The following CLPSL2 variants were observed in gnomAD, a reference collection of about 807,000 sequenced individuals.
CLPSL2 encodes colipase-like protein 2.
CLPSL2 carries 4 observed loss-of-function variants against 7.9 expected under a neutral mutation model. The ratio of observed to expected loss-of-function variants is 0.50; its 90% confidence interval spans 0.25 to 1.15. The LOEUF (loss-of-function observed/expected upper bound fraction) is 1.15, where lower values mean the gene tolerates loss of function less well. Ranked by LOEUF, CLPSL2 falls within the 50% of genes most tolerant of loss-of-function variation. The pLI, the probability that CLPSL2 is intolerant of heterozygous loss-of-function variation, is 0.15. For synonymous variants in CLPSL2, 67 were observed against 53.1 expected (o/e 1.26, Z -1.14); for missense variants, 132 against 136.6 (o/e 0.97, Z 0.17).
chr6:35,777,781 C>G, intron 2 of CLPSL2, 200 bp downstream of exon 2: 1 of 726,452 alleles, frequency 1.4e-6, no homozygotes, highest in Non-Finnish European at 2.5e-6. Flanking sequence ...AGCTCCTGTA[C>G]CCTGGGGTCA....
chr6:35,776,642 G>T lies in CLPSL2; in HGVS notation c.24G>T (p.Val8=). The change falls in exon 1 of 3, where the codon GTG becomes GTT. Residue 8 remains valine (V), a synonymous_variant. Coordinates refer to ENST00000403376, the MANE Select transcript of CLPSL2 (RefSeq NM_207409.4). ...CCATGGCCGCAGCCCTGGCGCTCGT[G>T]GCGGGGGTCCTGTCGGGGGCGGTGC... The part of the protein sequence containing the change: MAAALAL[V]AGVLSGAVLP... 1 of 1,497,144 alleles carries T rather than the reference G, an allele frequency of 6.7e-7. No homozygotes were observed. Among genetic ancestry groups the T allele is most frequent in the South Asian group, 1.2e-5 (1 of 80,642 alleles). The allele number at this position is 1,497,144 out of a possible 1,614,324, so 92.7% of individuals were successfully genotyped here.
At position 35,776,657 on chromosome 6, in the gene CLPSL2, G is replaced by A; in HGVS notation, c.39G>A (p.Ser13=). 6.7e-7 allele frequency: 1 copy of A among 1,493,600 alleles called. No individual in the cohort carries two copies. The highest frequency in any genetic ancestry group is 8.9e-7 in the Non-Finnish European group (1 of 1,129,126). 92.5% of individuals were successfully genotyped at this position (1,493,600 alleles called of 1,614,324 possible). A position where few individuals can be genotyped will look rare whatever the true frequency, so the allele number is the denominator to read the frequency against. The change falls in exon 1 of 3, where the codon TCG becomes TCA. Residue 13 remains serine, a synonymous_variant. Transcript: ENST00000403376. The stretch of plus-strand genomic sequence containing the variant: ...TGGCGCTCGTGGCGGGGGTCCTGTC[G>A]GGGGCGGTGCTGCCCCTCTGGAGCG... ...AALALVAGVL[S]GAVLPLWSAL...
chr6:35,776,781 C>G lies in CLPSL2; in HGVS notation c.84+79C>G. On this transcript the variant is annotated intron_variant, in intron 1 of 2. Coordinates refer to ENST00000403376, the MANE Select transcript of CLPSL2 (RefSeq NM_207409.4). ...CCGCCGGGGCACTGGAGCCCGAAGGCGCCGGGCAGCCTGAAAGGGAGAGGT... is the reference window on the plus strand; with the variant it reads ...CCGCCGGGGCACTGGAGCCCGAAGGGGCCGGGCAGCCTGAAAGGGAGAGGT... 4 of 1,259,600 alleles carry G rather than the reference C, an allele frequency of 3.2e-6. No individual in the cohort carries two copies. In the East Asian group the frequency reaches 1.3e-4, roughly 40 times the overall value. 78.0% of individuals were successfully genotyped at this position (1,259,600 alleles called of 1,614,324 possible).
At chr6:35,777,929 A>G (rs1767877864) in intron 2 of CLPSL2, 1 of 716,830 alleles carries the variant, frequency 1.4e-6, no homozygotes, top group African/African-American at 1.7e-5. Context: ...ATCTGCACAT[A>G]GTAGGTGCTC....
intron 2 of CLPSL2, 93 bp from the exon 3 acceptor site, chr6:35,779,262 G>GCCTGGAGTAAGACAGA: frequency 4.9e-6 from 5 of 1,016,476 alleles, no homozygotes; most frequent in Non-Finnish European, 7.3e-6. Context: ...CTTACTCCAG[G>GCCTGGAGTAAGACAGA]CCTGGTACTC....
At chr6:35,776,840 G>T in intron 1 of CLPSL2, 138 bp downstream of exon 1, 1 of 709,818 alleles carries the variant, frequency 1.4e-6, no homozygotes, top group African/African-American at 1.9e-5. Flanking sequence ...GGTAGCCTGG[G>T]GCATCCTCAG....
chr6:35,776,880 CT>C (rs1209215205), intron 1 of CLPSL2, 178 bp downstream of exon 1: 2 of 508,830 alleles, frequency 3.9e-6, no homozygotes, highest in Non-Finnish European at 6.6e-6. Context: ...TCACTTTCCC[CT>C]GGTGGCCTCA....
In CLPSL2 at chr6:35,776,707, G is replaced by A. The variant is rs753624440; in HGVS notation, c.84+5G>A. 3 of 1,388,536 alleles carry A rather than the reference G, an allele frequency of 2.2e-6. No individual in the cohort carries two copies. The South Asian group carries it at 4.7e-5, about 22-fold the overall frequency. 86.0% of individuals were successfully genotyped at this position (1,388,536 alleles called of 1,614,324 possible). A position where few individuals can be genotyped will look rare whatever the true frequency, so the allele number is the denominator to read the frequency against. ...GCGCTTCCGCAATATAAAAAGGTGA[G>A]CCGGGGAGCGCGCCCAGCCGGCCGC... is the stretch of plus-strand genomic sequence containing the variant. On this transcript the variant is annotated splice_donor_5th_base_variant and intron_variant, in intron 1 of 2. Coordinates refer to ENST00000403376, the MANE Select transcript of CLPSL2 (RefSeq NM_207409.4).
At chr6:35,778,228 T>G (rs375975471) in intron 2 of CLPSL2, among the ~76,000 whole-genome samples, 2 of 152,302 alleles carry the variant, frequency 1.3e-5, no homozygotes, top group African/African-American at 4.8e-5. Context: ...GGTGCTGGGA[T>G]TATAGGCATG....
At chr6:35,778,876 C>T (rs1274849007) in intron 2 of CLPSL2, among the ~76,000 whole-genome samples, 1 of 152,160 alleles carries the variant, frequency 6.6e-6, no homozygotes, top group Non-Finnish European at 1.5e-5. Context: ...CCACTGCAAC[C>T]TCCACCTCCT....
At position 35,779,382 on chromosome 6, in the gene CLPSL2, C is replaced by G; in HGVS notation, c.235C>G (p.Pro79Ala). 1 of 1,582,738 alleles carries G rather than the reference C, an allele frequency of 6.3e-7. No individual in the cohort carries two copies. Among genetic ancestry groups the G allele is most frequent in the Non-Finnish European group, 8.6e-7 (1 of 1,163,126 alleles). Reference sequence around the variant, plus strand: ...CAAGGGAGCTACCAACATCATCTGCCCTTGCCGGATGGGCTTGACGTGCAT... The same window carrying G: ...CAAGGGAGCTACCAACATCATCTGCGCTTGCCGGATGGGCTTGACGTGCAT... ...QTKGATNIIC[P>A]CRMGLTCISK... Residue 79 changes from proline (P) to alanine (A), a missense_variant, in exon 3 of 3, where the codon CCT (proline) becomes GCT (alanine). Transcript: ENST00000403376.
At chr6:35,776,728 G>A (rs1767843494) in intron 1 of CLPSL2, 26 bp downstream of exon 1, 1 of 1,362,744 alleles carries the variant, frequency 7.3e-7, no homozygotes, top group Non-Finnish European at 9.4e-7. Context: ...CGCCCAGCCG[G>A]CCGCGACCGC....
At chr6:35,778,414 C>T (rs146663273) in intron 2 of CLPSL2, among the ~76,000 whole-genome samples, 33 of 152,354 alleles carry the variant, frequency 2.2e-4, no homozygotes, top group African/African-American at 7.7e-4. Flanking sequence ...CACAGCTTTG[C>T]AGTTGGACCT....
At chr6:35,779,247 T>C in intron 2 of CLPSL2, 108 bp from the exon 3 acceptor site, 1 of 808,554 alleles carries the variant, frequency 1.2e-6, no homozygotes, top group Non-Finnish European at 1.9e-6. Flanking sequence ...ACAGCCCAGG[T>C]CTGTCTTACT....
In CLPSL2 at chr6:35,776,693, A is replaced by C; in HGVS notation, c.75A>C (p.Gln25His). The part of the protein sequence containing the change: ...AVLPLWSALP[Q>H]YKKKITDRCF... ...TGCCCCTCTGGAGCGCGCTTCCGCA[A>C]TATAAAAAGGTGAGCCGGGGAGCGC... Residue 25 changes from glutamine (Q) to histidine (H), a missense_variant, in exon 1 of 3, where the codon CAA becomes CAC. Transcript: ENST00000403376. 3 of 1,457,648 alleles carry C rather than the reference A, an allele frequency of 2.1e-6. No homozygotes were observed. The highest frequency in any genetic ancestry group is 1.3e-5 in the South Asian group (1 of 75,090). 90.3% of individuals were successfully genotyped at this position (1,457,648 alleles called of 1,614,324 possible). A position where few individuals can be genotyped will look rare whatever the true frequency, so the allele number is the denominator to read the frequency against.
At chr6:35,777,357 TG>T in intron 1 of CLPSL2, 101 bp from the exon 2 acceptor site, 1 of 1,365,566 alleles carries the variant, frequency 7.3e-7, no homozygotes, top group Non-Finnish European at 1.0e-6. Context: ...TGACTTCTCC[TG>T]GATCCCTGGG....
At chr6:35,779,282 G>A in intron 2 of CLPSL2, 73 bp from the exon 3 acceptor site, 1 of 1,264,866 alleles carries the variant, frequency 7.9e-7, no homozygotes, top group African/African-American at 1.5e-5. Flanking sequence ...CTTGGTTCTG[G>A]TCCCCAAGAA....
intron 1 of CLPSL2, among the ~76,000 whole-genome samples, chr6:35,777,173 G>A (rs955402681): frequency 1.3e-5 from 2 of 152,062 alleles, no homozygotes; most frequent in African/African-American, 4.8e-5. Flanking sequence ...CCCGCAAAAT[G>A]GGACTTAAGA....
intron 2 of CLPSL2, chr6:35,777,861 T>G: frequency 1.4e-6 from 1 of 717,714 alleles, no homozygotes; most frequent in South Asian, 1.5e-5. Context: ...TGGTTGGAAC[T>G]CTTCAAGGGC....
Sources: gnomAD v4.1 joint callset for allele counts (sites outside exome capture counted in the v4.1 genomes callset) on GRCh38, gnomAD v4.1.1 for gene constraint, MANE v1.5 for transcripts, NCBI Gene and HGNC (gene_info 2026-07-23, HGNC 2026-07-21) for gene names.